Variants in OR10A2 observed in about 807,000 individuals in gnomAD.
OR10A2 encodes the protein olfactory receptor 10A2.
Under a neutral mutation model 13.7 loss-of-function variants are expected in OR10A2, and 15 were observed. The ratio of observed to expected loss-of-function variants is 1.10; its 90% CI spans 0.73 to 1.69. OR10A2 has a LOEUF of 1.69. OR10A2 is among the 40% of genes most tolerant of loss of function. The probability of loss-of-function intolerance (pLI) is 0.00; values close to 1 mark genes in which losing one functional copy is unlikely to be tolerated. For missense variants in OR10A2, 343 were observed against 361.1 expected, an observed-to-expected ratio of 0.95 and a Z score of 0.41; for synonymous variants, 145 against 144.7, an observed-to-expected ratio of 1.00 and a Z score of -0.02.
chr11:6,864,565 A>T (rs1184021731), intron 1 of OR10A2, among the ~76,000 whole-genome samples: 1 of 152,188 alleles, frequency 6.6e-6, no homozygotes, highest in Non-Finnish European at 1.5e-5. Flanking sequence ...TTTAAAGGAT[A>T]GAGGAAAATA....
In OR10A2 at chr11:6,870,514, T is replaced by G. The variant is rs544810071; in HGVS notation, c.760T>G (p.Ser254Ala). ...LTYFRPKSNN[S>A]PEGKKLLSLS... is the part of the protein sequence containing the mutation. Reference sequence around the variant, plus strand: ...CTACTTCCGGCCTAAATCAAATAATTCACCTGAGGGCAAGAAGCTGCTATC... The same window carrying G: ...CTACTTCCGGCCTAAATCAAATAATGCACCTGAGGGCAAGAAGCTGCTATC... The change falls in exon 2 of 2, where the codon TCA becomes GCA. Residue 254 changes from serine (S) to alanine (A), a missense_variant. Coordinates refer to ENST00000641461, the MANE Select transcript of OR10A2 (RefSeq NM_001004460.2). The G allele has an allele frequency of 6.2e-7, 1 of 1,614,150 alleles. No individual in the cohort carries two copies. The highest frequency in any genetic ancestry group is 1.3e-5 in the African/African-American group (1 of 75,026).
chr11:6,865,093 G>T (rs868048389), intron 1 of OR10A2, among the ~76,000 whole-genome samples: 1 of 119,716 alleles, frequency 8.4e-6, no homozygotes. Flanking sequence ...TAATATATAT[G>T]AATAAAAATA....
At chr11:6,863,516 C>A (rs1848357169) in intron 1 of OR10A2, among the ~76,000 whole-genome samples, 165 bp downstream of exon 1, 1 of 151,952 alleles carries the variant, frequency 6.6e-6, no homozygotes, top group Non-Finnish European at 1.5e-5. Context: ...TTCCTCTCTC[C>A]TTGGGCATCA....
chr11:6,869,914 T>G lies in OR10A2; in HGVS notation c.160T>G (p.Ser54Ala). The part of the protein sequence containing the change: ...SPMYFFLRNL[S>A]FLEIGFNLVI... Reference sequence around the variant, plus strand: ...CATGTACTTCTTCCTCAGAAACTTATCTTTCCTGGAGATTGGCTTCAACCT... The same window carrying G: ...CATGTACTTCTTCCTCAGAAACTTAGCTTTCCTGGAGATTGGCTTCAACCT... The change falls in exon 2 of 2, where the codon TCT (serine) becomes GCT (alanine). Residue 54 changes from serine (S) to alanine (A), a missense_variant. Coordinates refer to ENST00000641461, the MANE Select transcript of OR10A2 (RefSeq NM_001004460.2). The G allele has an allele frequency of 1.2e-6, 2 of 1,614,192 alleles. No individual in the cohort carries two copies. The highest frequency in any genetic ancestry group is 1.7e-6 in the Non-Finnish European group (2 of 1,180,016).
rs1245293904 is a variant in OR10A2 at position 6,869,661 on chromosome 11, C to A, written c.-94C>A. Reference sequence around the variant, plus strand: ...GAAAAACAAATTGAGAATCTGACTTCCAATCAATAATCTTTCTCCATGACC... The same window carrying A: ...GAAAAACAAATTGAGAATCTGACTTACAATCAATAATCTTTCTCCATGACC... On this transcript the variant is annotated 5_prime_UTR_variant, in exon 2 of 2. Transcript: ENST00000641461. 1.8e-6 allele frequency: 2 copies of A among 1,091,514 alleles called. No homozygotes were observed. The highest frequency in any genetic ancestry group is 3.1e-5 in the African/African-American group (2 of 63,812). The allele number at this position is 1,091,514 out of a possible 1,614,324, so 67.6% of individuals were successfully genotyped here. A position where few individuals can be genotyped will look rare whatever the true frequency, so the allele number is the denominator to read the frequency against.
At position 6,874,222 on chromosome 11, in the gene OR10A2, C is replaced by T. The variant is rs10742989; in HGVS notation, c.*3556C>T. 42,700 of 151,984 alleles carry T rather than the reference C, an allele frequency of 0.28. 6,240 individuals carry two copies. Among genetic ancestry groups the T allele is most frequent in the East Asian group, 0.41 (2,125 of 5,160 alleles). 9.4% of individuals were successfully genotyped at this position (151,984 alleles called of 1,614,324 possible). ...GTGTAGATGTTTCCCTGATTATTTA[C>T]CACATTTTCTTCATTATCTATTAAA... On this transcript the variant is annotated 3_prime_UTR_variant, in exon 2 of 2. Coordinates refer to ENST00000641461, the MANE Select transcript of OR10A2 (RefSeq NM_001004460.2).
In OR10A2 at chr11:6,870,690, T is replaced by A. The variant is rs1295506025; in HGVS notation, c.*24T>A. On this transcript the variant is annotated 3_prime_UTR_variant, in exon 2 of 2. Coordinates refer to ENST00000641461, the MANE Select transcript of OR10A2 (RefSeq NM_001004460.2). ...AGACCTTAGGAAGTAAGGCTACATT[T>A]TACTGGATGAGAAACAATCAGTCCC... The A allele has an allele frequency of 6.7e-7, 1 of 1,492,962 alleles. No homozygotes were observed. The highest frequency in any genetic ancestry group is 1.3e-5 in the South Asian group (1 of 74,086). The allele number at this position is 1,492,962 out of a possible 1,614,324, so 92.5% of individuals were successfully genotyped here.
In OR10A2 at chr11:6,874,187, C is replaced by G. The variant is rs1457327552; in HGVS notation, c.*3521C>G. On this transcript the variant is annotated 3_prime_UTR_variant, in exon 2 of 2. Transcript: ENST00000641461. ...TTATGAATGGGGCTCACTGTACCTA[C>G]TTTGTGTCTGTGTAGATGTTTCCCT... 6.6e-6 allele frequency: 1 copy of G among 152,166 alleles called. No individual in the cohort carries two copies. Among genetic ancestry groups the G allele is most frequent in the Non-Finnish European group, 1.5e-5 (1 of 68,030 alleles). The allele number at this position is 152,166 out of a possible 1,614,324, so 9.4% of individuals were successfully genotyped here.
At chr11:6,865,972 T>C (rs1254444024) in intron 1 of OR10A2, among the ~76,000 whole-genome samples, 1 of 152,238 alleles carries the variant, frequency 6.6e-6, no homozygotes, top group African/African-American at 2.4e-5. Context: ...TCCATTCCTA[T>C]AATTTTGTCA....
chr11:6,865,392 T>G (rs1460354396), intron 1 of OR10A2, among the ~76,000 whole-genome samples: 1 of 151,772 alleles, frequency 6.6e-6, no homozygotes, highest in East Asian at 1.9e-4. Context: ...ATGACAGCAT[T>G]AAATGTTCTT....
At chr11:6,869,543 C>T (rs1433288240) in intron 1 of OR10A2, 80 bp from the exon 2 acceptor site, 4 of 588,398 alleles carry the variant, frequency 6.8e-6, no homozygotes, top group South Asian at 2.1e-5. Flanking sequence ...GCTCTGGCTA[C>T]TATTTATTGT....
In OR10A2 at chr11:6,872,413, T is replaced by C. The variant is rs906897297; in HGVS notation, c.*1747T>C. 6.6e-6 allele frequency: 1 copy of C among 152,250 alleles called. No individual in the cohort carries two copies. The highest frequency in any genetic ancestry group is 2.4e-5 in the African/African-American group (1 of 41,466). 9.4% of individuals were successfully genotyped at this position (152,250 alleles called of 1,614,324 possible). On this transcript the variant is annotated 3_prime_UTR_variant, in exon 2 of 2. Transcript: ENST00000641461. ...CATGTAGAAACTGTACATGTACTTA[T>C]TTTTACATGTTTGTCTTCCTCCAAC...
chr11:6,863,198 TA>T lies in OR10A2; in HGVS notation c.-285del, dbSNP rs1848353755. On this transcript the variant is annotated 5_prime_UTR_variant, in exon 1 of 2. The change creates a new upstream start codon in the 5' untranslated region. Transcript: ENST00000641461. Reference sequence around the variant, plus strand: ...AGCTGGCTACAGCTCCAGCCATTAATAGCTCAGCCAGGACAGGGAATAAGAC... The same window carrying T: ...AGCTGGCTACAGCTCCAGCCATTAATGCTCAGCCAGGACAGGGAATAAGAC... 1 of 152,214 alleles carries T rather than the reference TA, an allele frequency of 6.6e-6. No individual in the cohort carries two copies. The highest frequency in any genetic ancestry group is 1.5e-5 in the Non-Finnish European group (1 of 68,050). The allele number at this position is 152,214 out of a possible 1,614,324, so 9.4% of individuals were successfully genotyped here.
chr11:6,867,505 C>T (rs1848388940), intron 1 of OR10A2, among the ~76,000 whole-genome samples: 2 of 152,114 alleles, frequency 1.3e-5, no homozygotes, highest in Admixed American at 6.5e-5. Flanking sequence ...AGCCACCGTG[C>T]CTGGCCTCGA....
chr11:6,863,789 T>A (rs901083602), intron 1 of OR10A2, among the ~76,000 whole-genome samples: 2 of 152,126 alleles, frequency 1.3e-5, no homozygotes, highest in Non-Finnish European at 2.9e-5. Flanking sequence ...AGAGAAGGCC[T>A]AGAAGAGTGG....
chr11:6,867,248 G>A (rs1028783406), intron 1 of OR10A2, among the ~76,000 whole-genome samples: 19 of 151,770 alleles, frequency 1.3e-4, no homozygotes, highest in African/African-American at 4.6e-4. Flanking sequence ...GTCTCCTTCT[G>A]TCACCCAGGC....
chr11:6,864,821 A>G (rs945421114), intron 1 of OR10A2, among the ~76,000 whole-genome samples: 1 of 151,744 alleles, frequency 6.6e-6, no homozygotes, highest in Non-Finnish European at 1.5e-5. Context: ...AGTTCATTTC[A>G]TATGGCTTGT....
chr11:6,864,066 T>G (rs2741768), intron 1 of OR10A2, among the ~76,000 whole-genome samples: 1 of 152,076 alleles, frequency 6.6e-6, no homozygotes, highest in Non-Finnish European at 1.5e-5. Flanking sequence ...AGCCAAAAGA[T>G]TGGACACCCC....
Position 6,863,086 on chromosome 11 carries a change from T to A in OR10A2, c.-398T>A, listed in dbSNP as rs1229897170. On this transcript the variant is annotated 5_prime_UTR_variant, in exon 1 of 2. Coordinates refer to ENST00000641461, the MANE Select transcript of OR10A2 (RefSeq NM_001004460.2). ...GCCCCAAGAACAAAAGAGGCACAGG[T>A]GGGAACAACTCTCCCAAAACCAGGA... The A allele has an allele frequency of 6.6e-6, 1 of 152,152 alleles. No homozygotes were observed. Among genetic ancestry groups the A allele is most frequent in the African/African-American group, 2.4e-5 (1 of 41,410 alleles). 9.4% of individuals were successfully genotyped at this position (152,152 alleles called of 1,614,324 possible). A position where few individuals can be genotyped will look rare whatever the true frequency, so the allele number is the denominator to read the frequency against.
Sources: allele counts gnomAD v4.1 joint callset (sites outside exome capture counted in the v4.1 genomes callset), GRCh38; gene constraint gnomAD v4.1.1; transcripts MANE v1.5; gene names NCBI Gene and HGNC (gene_info 2026-07-23, HGNC 2026-07-21).